ROBO2: variants seen among roughly 807,000 people sequenced by gnomAD.
ROBO2 encodes the protein roundabout guidance receptor 2.
A neutral mutation model predicts 160.8 loss-of-function variants in ROBO2; 53 were observed. That is an observed-to-expected ratio of 0.33 (90% CI 0.26 to 0.41). The LOEUF (loss-of-function observed/expected upper bound fraction) is 0.41. ROBO2 is among the 10% of genes least tolerant of loss of function. ROBO2 has a pLI of 1.00. For missense variants in ROBO2, 1,577 were observed against 1,722.4 expected (o/e 0.92, Z 1.49); for synonymous variants, 664 against 611.7 (o/e 1.09, Z -1.26).
chr3:76,616,031 G>A (rs1349563894), intron 2 of ROBO2, among the ~76,000 whole-genome samples: 1 of 152,142 alleles, frequency 6.6e-6, no homozygotes, highest in Non-Finnish European at 1.5e-5. Flanking sequence ...CTGAGCTTGG[G>A]TTAGATTCCA....
intron 2 of ROBO2, among the ~76,000 whole-genome samples, chr3:77,030,740 C>T (rs2063268708): frequency 6.6e-6 from 1 of 152,118 alleles, no homozygotes; most frequent in Non-Finnish European, 1.5e-5. Flanking sequence ...TATCTCTGTC[C>T]AAATTTCCCT....
At chr3:76,764,045 A>G (rs2061449022) in intron 2 of ROBO2, among the ~76,000 whole-genome samples, 1 of 151,760 alleles carries the variant, frequency 6.6e-6, no homozygotes. Flanking sequence ...TTCGTTTTAT[A>G]CTTTATCTAG....
At chr3:76,280,611 C>T (rs1279170291) in intron 2 of ROBO2, among the ~76,000 whole-genome samples, 5 of 152,126 alleles carry the variant, frequency 3.3e-5, no homozygotes, top group African/African-American at 1.2e-4. Flanking sequence ...CAGTATATTT[C>T]AACTCTGGAT....
rs542074703 is a variant in ROBO2 at position 76,233,057 on chromosome 3, AT to A, written c.109+295457del. On this transcript the variant is annotated intron_variant, in intron 2 of 26. Transcript: ENST00000487694. ...ACTGGTTTCCAGAGTATGGAACCTTATTCTTCCTATTGAATTCATTCATTCT... is the reference window on the plus strand; with the variant it reads ...ACTGGTTTCCAGAGTATGGAACCTTATCTTCCTATTGAATTCATTCATTCT... 2.6e-3 allele frequency among the ~76,000 whole-genome samples: 403 copies of A among 152,144 alleles called. 1 individual carries two copies. The highest frequency in any genetic ancestry group is 6.8e-3 in the Middle Eastern group (2 of 294).
intron 2 of ROBO2, among the ~76,000 whole-genome samples, chr3:77,410,722 C>CAT: frequency 6.7e-6 from 1 of 148,558 alleles, no homozygotes; most frequent in African/African-American, 2.5e-5. Flanking sequence ...TCCTCTTCCT[C>CAT]CTCCTCCTCT....
intron 2 of ROBO2, among the ~76,000 whole-genome samples, chr3:76,193,150 G>C (rs1440939405): frequency 6.6e-6 from 1 of 152,044 alleles, no homozygotes; most frequent in African/African-American, 2.4e-5. Context: ...CCACCCATCA[G>C]TTAAAATACT....
At chr3:77,309,300 A>T (rs929129840) in intron 2 of ROBO2, among the ~76,000 whole-genome samples, 3 of 152,336 alleles carry the variant, frequency 2.0e-5, no homozygotes, top group Admixed American at 1.3e-4. Flanking sequence ...GTGCTTAATT[A>T]TCCATCTCAA....
At chr3:76,339,858 A>T (rs1243793152) in intron 2 of ROBO2, among the ~76,000 whole-genome samples, 1 of 152,106 alleles carries the variant, frequency 6.6e-6, no homozygotes, top group Non-Finnish European at 1.5e-5. Context: ...AAATCTTGTA[A>T]TGTTTGTGTC....
chr3:77,511,486 A>G (rs1394561687), intron 5 of ROBO2, among the ~76,000 whole-genome samples: 2 of 151,990 alleles, frequency 1.3e-5, no homozygotes, highest in South Asian at 2.1e-4. Flanking sequence ...TGAAATCTGC[A>G]CTTCATTAAA....
chr3:76,293,141 G>T (rs1278965909), intron 2 of ROBO2, among the ~76,000 whole-genome samples: 2 of 152,096 alleles, frequency 1.3e-5, no homozygotes, highest in East Asian at 1.9e-4. Context: ...GTATCAAACT[G>T]CAGGCAATCA....
chr3:77,122,326 GAACATA>G (rs1367313330), intron 2 of ROBO2, among the ~76,000 whole-genome samples: 2 of 151,936 alleles, frequency 1.3e-5, no homozygotes, highest in African/African-American at 4.8e-5. Context: ...TTGTGGTCAT[GAACATA>G]TTTTCTTGTT....
chr3:77,438,418 T>C (rs2079547426), intron 2 of ROBO2, among the ~76,000 whole-genome samples: 1 of 151,634 alleles, frequency 6.6e-6, no homozygotes, highest in Non-Finnish European at 1.5e-5. Context: ...ATTTTATATA[T>C]ATATGGAAAG....
rs17042984 is a variant in ROBO2 at position 76,803,233 on chromosome 3, G to A, written c.110-294781G>A. ...GCTTATTTTTGAGGAATTCAGAGGAGGTCGTTAGGTTTAATTTAATGAACT... is the reference window on the plus strand; with the variant it reads ...GCTTATTTTTGAGGAATTCAGAGGAAGTCGTTAGGTTTAATTTAATGAACT... On this transcript the variant is annotated intron_variant, in intron 2 of 26. Coordinates refer to the ROBO2 transcript ENST00000487694. Among the ~76,000 whole-genome samples, 104 of 152,208 alleles carry A rather than the reference G, an allele frequency of 6.8e-4. 1 individual carries two copies. The East Asian group carries it at 0.013, about 20-fold the overall frequency.
intron 2 of ROBO2, among the ~76,000 whole-genome samples, chr3:76,075,234 A>T (rs993772174): frequency 6.6e-6 from 1 of 151,832 alleles, no homozygotes; most frequent in Non-Finnish European, 1.5e-5. Context: ...ACTATCCACT[A>T]TACAGTAACT....
At chr3:76,813,030 G>A (rs1212754097) in intron 2 of ROBO2, among the ~76,000 whole-genome samples, 2 of 147,722 alleles carry the variant, frequency 1.4e-5, no homozygotes, top group Non-Finnish European at 3.0e-5. Flanking sequence ...GTTTGTACTG[G>A]CACACTTACT....
chr3:75,910,114 G>C (rs1479456046), intron 1 of ROBO2, among the ~76,000 whole-genome samples: 1 of 152,186 alleles, frequency 6.6e-6, no homozygotes, highest in African/African-American at 2.4e-5. Flanking sequence ...GTACAGGGCT[G>C]CTCCAGTGAT....
intron 2 of ROBO2, among the ~76,000 whole-genome samples, chr3:76,526,336 C>CT (rs1325741264): frequency 6.6e-6 from 1 of 152,000 alleles, no homozygotes; most frequent in African/African-American, 2.4e-5. Flanking sequence ...ATTGACACCC[C>CT]TTTAATTAAG....
At chr3:76,474,789 T>G (rs905329201) in intron 2 of ROBO2, among the ~76,000 whole-genome samples, 1 of 152,144 alleles carries the variant, frequency 6.6e-6, no homozygotes, top group African/African-American at 2.4e-5. Flanking sequence ...AGGTATCAGC[T>G]GGGCTCACTC....
At chr3:77,500,669 T>G (rs1196719155) in intron 5 of ROBO2, among the ~76,000 whole-genome samples, 1 of 152,184 alleles carries the variant, frequency 6.6e-6, no homozygotes, top group Non-Finnish European at 1.5e-5. Context: ...ATAGATTTTG[T>G]TTTTACAAAC....
Sources: allele counts gnomAD v4.1 joint callset (sites outside exome capture counted in the v4.1 genomes callset), GRCh38; gene constraint gnomAD v4.1.1; transcripts MANE v1.5; gene names NCBI Gene and HGNC (gene_info 2026-07-23, HGNC 2026-07-21).